Variants in CCDC63 observed in about 807,000 individuals in gnomAD.
CCDC63 encodes the protein coiled-coil domain containing 63.
A neutral mutation model predicts 63.6 loss-of-function variants in CCDC63; 54 were observed. That is an observed-to-expected ratio of 0.85 (90% CI 0.68 to 1.07). The LOEUF (loss-of-function observed/expected upper bound fraction) is 1.07. Among genes scored for constraint, CCDC63 ranks in the 50% least tolerant of loss-of-function variants. The pLI is 0.00. For missense variants in CCDC63, 637 were observed against 689.6 expected (o/e 0.92, Z 0.86); for synonymous variants, 253 against 266.1 (o/e 0.95, Z 0.48).
chr12:110,896,798 C>T (rs1353592231), intron 9 of CCDC63, among the ~76,000 whole-genome samples: 1 of 152,202 alleles, frequency 6.6e-6, no homozygotes, highest in Non-Finnish European at 1.5e-5. Context: ...CCAGGTGATA[C>T]CAGTGTGAAG....
chr12:110,879,864 A>G (rs1221796740), intron 5 of CCDC63, 42 bp from the exon 6 acceptor site: 1 of 1,599,542 alleles, frequency 6.3e-7, no homozygotes, highest in African/African-American at 1.3e-5. Flanking sequence ...TATCTTACAA[A>G]ACAGAAATGA....
At chr12:110,874,905 G>A (rs1457924272) in intron 5 of CCDC63, among the ~76,000 whole-genome samples, 2 of 152,194 alleles carry the variant, frequency 1.3e-5, no homozygotes, top group African/African-American at 4.8e-5. Flanking sequence ...AAAGCAAAAA[G>A]AGTGGAGAAG....
intron 5 of CCDC63, among the ~76,000 whole-genome samples, chr12:110,878,383 C>T (rs2071159185): frequency 6.6e-6 from 1 of 152,052 alleles, no homozygotes; most frequent in Non-Finnish European, 1.5e-5. Context: ...GGCGTGATCT[C>T]GGCTCACTGA....
intron 4 of CCDC63, among the ~76,000 whole-genome samples, chr12:110,860,368 T>C (rs745730080): frequency 1.8e-4 from 27 of 152,256 alleles, no homozygotes; most frequent in Admixed American, 4.6e-4. Flanking sequence ...CATTATGCCT[T>C]ATTCTGGTGT....
At chr12:110,849,154 T>C (rs576410255) in intron 1 of CCDC63, among the ~76,000 whole-genome samples, 38 of 152,350 alleles carry the variant, frequency 2.5e-4, no homozygotes, top group Middle Eastern at 3.4e-3. Context: ...TATTTTCCTA[T>C]CACCCATTAA....
rs1566135103 is a variant in CCDC63, at chr12:110,889,553, C to T, written c.1075-3523C>T. Among the ~76,000 whole-genome samples, 1 of 152,154 alleles carries T rather than the reference C, an allele frequency of 6.6e-6. No homozygotes were observed. The highest frequency in any genetic ancestry group is 1.5e-5 in the Non-Finnish European group (1 of 68,044). On this transcript the variant is annotated intron_variant, in intron 8 of 11. Transcript: ENST00000308208. The surrounding 1 kb of genome is among the most constrained non-coding windows in gnomAD (Gnocchi z 4.1). ...AGCACACGCAAAGGCCCTGACGCAGCTTGCAAGCAGGCCAGGGTGTCTGGC... is the reference window on the plus strand; with the variant it reads ...AGCACACGCAAAGGCCCTGACGCAGTTTGCAAGCAGGCCAGGGTGTCTGGC...
intron 9 of CCDC63, among the ~76,000 whole-genome samples, chr12:110,894,844 C>G (rs2071398978): frequency 6.6e-6 from 1 of 152,212 alleles, no homozygotes; most frequent in Non-Finnish European, 1.5e-5. Flanking sequence ...CTTTTTGTTA[C>G]TTTGGCTTTA....
At chr12:110,880,135 C>G (rs1306387400) in intron 6 of CCDC63, 48 bp downstream of exon 6, 2 of 1,544,648 alleles carry the variant, frequency 1.3e-6, no homozygotes, top group Non-Finnish European at 1.8e-6. Context: ...TAGCCCCTTG[C>G]TGAGCATCTA....
rs563103896 is a variant in CCDC63, at chr12:110,847,616, A to T, written c.-97+511A>T. Among the ~76,000 whole-genome samples the T allele has an allele frequency of 2.6e-5, 4 of 152,100 alleles. 1 individual carries two copies. In the South Asian group the frequency reaches 8.3e-4, roughly 32 times the overall value. On this transcript the variant is annotated intron_variant, in intron 1 of 11. Transcript: ENST00000308208. ...TTATTTTCCTCCCATAATAATCCTT[A>T]AAAAACAAAAAACAAAACAAACAAA...
intron 7 of CCDC63, among the ~76,000 whole-genome samples, chr12:110,882,850 T>TTTTATTTA (rs200058576): frequency 2.0e-5 from 3 of 151,642 alleles, no homozygotes; most frequent in Admixed American, 6.6e-5. Context: ...TAAACGATCC[T>TTTTATTTA]TTTATTTATT....
upstream of CCDC63, among the ~76,000 whole-genome samples, chr12:110,845,005 T>C (rs1315155734): frequency 6.6e-6 from 1 of 152,200 alleles, no homozygotes; most frequent in Non-Finnish European, 1.5e-5. Flanking sequence ...TTCCCACCGC[T>C]GGCTCATCGC....
rs536653873 is a variant in CCDC63, at chr12:110,881,245, G to A, written c.802G>A (p.Val268Ile). Residue 268 changes from valine (V) to isoleucine (I), a missense_variant, in exon 7 of 12, where the codon GTC becomes ATC. Transcript: ENST00000308208. ...HESKLKSFLL[V>I]KLNDRNEFEE... Reference sequence around the variant, plus strand: ...GAGCAAGCTCAAGTCCTTCCTGCTCGTCAAGCTGAATGATCGCAATGAATT... The same window carrying A: ...GAGCAAGCTCAAGTCCTTCCTGCTCATCAAGCTGAATGATCGCAATGAATT... The A allele has an allele frequency of 4.3e-5, 70 of 1,613,866 alleles. No homozygotes were observed. The Admixed American group carries it at 7.7e-4, about 18-fold the overall frequency.
chr12:110,851,735 CA>C, intron 1 of CCDC63, among the ~76,000 whole-genome samples: 1 of 152,300 alleles, frequency 6.6e-6, no homozygotes. Flanking sequence ...CCCTCTGAAA[CA>C]ATCCATATCC....
At chr12:110,875,598 G>A (rs892494458) in intron 5 of CCDC63, among the ~76,000 whole-genome samples, 2 of 152,066 alleles carry the variant, frequency 1.3e-5, no homozygotes, top group African/African-American at 4.8e-5. Flanking sequence ...AGTAGTTTAT[G>A]TCTTTCTAGG....
At position 110,881,168 on chromosome 12, in the gene CCDC63, C is replaced by T; in HGVS notation, c.725C>T (p.Thr242Ile). ...AAMKDRQKKD[T>I]SQYNLEIREL... The stretch of plus-strand genomic sequence containing the variant: ...ATGAAAGACCGCCAGAAGAAGGACA[C>T]CTCTCAGTACAACCTGGAGATCCGA... Residue 242 changes from threonine (T) to isoleucine (I), a missense_variant, in exon 7 of 12, where the codon ACC (threonine) becomes ATC (isoleucine). Transcript: ENST00000308208. The T allele has an allele frequency of 1.9e-6, 3 of 1,613,062 alleles. No individual in the cohort carries two copies. The highest frequency in any genetic ancestry group is 2.5e-6 in the Non-Finnish European group (3 of 1,179,892).
At chr12:110,867,460 C>T (rs1306193925) in intron 4 of CCDC63, among the ~76,000 whole-genome samples, 3 of 106,766 alleles carry the variant, frequency 2.8e-5, no homozygotes, top group Admixed American at 8.7e-5. Context: ...CTCCTCACTT[C>T]CCAGTAGGGG....
At chr12:110,891,225 C>T (rs2071352447) in intron 8 of CCDC63, among the ~76,000 whole-genome samples, 2 of 152,032 alleles carry the variant, frequency 1.3e-5, no homozygotes, top group South Asian at 2.1e-4. Flanking sequence ...ATGGGAGGAT[C>T]GCTTGAACCC....
At chr12:110,856,990 A>G (rs897577888) in intron 3 of CCDC63, among the ~76,000 whole-genome samples, 7 of 151,644 alleles carry the variant, frequency 4.6e-5, no homozygotes, top group Admixed American at 4.0e-4. Context: ...TTTTCTGTAG[A>G]GACAGGGCCT....
intron 3 of CCDC63, among the ~76,000 whole-genome samples, chr12:110,857,683 C>T (rs910357122): frequency 3.3e-5 from 5 of 152,194 alleles, no homozygotes; most frequent in African/African-American, 1.2e-4. Context: ...GTCTTTCAAG[C>T]TCCCTTTGCT....
Sources: allele counts gnomAD v4.1 joint callset (sites outside exome capture counted in the v4.1 genomes callset), GRCh38; gene constraint gnomAD v4.1.1; non-coding constraint Gnocchi (gnomAD v3.1); transcripts MANE v1.5; gene names NCBI Gene and HGNC (gene_info 2026-07-23, HGNC 2026-07-21).